The following COL21A1 variants were observed in gnomAD, a reference collection of about 807,000 sequenced individuals.
The protein encoded by COL21A1 is collagen type XXI alpha 1 chain, also known as collagen alpha-1(XXI) chain.
Under a neutral mutation model 137.9 loss-of-function variants are expected in COL21A1, and 149 were observed. The observed-to-expected ratio is 1.08, with a 90% CI of 0.95 to 1.24. The LOEUF (loss-of-function observed/expected upper bound fraction) is 1.24, where lower values mean the gene tolerates loss of function less well. COL21A1 is among the 50% of genes most tolerant of loss of function. The pLI, the probability that COL21A1 is intolerant of heterozygous loss-of-function variation, is 0.00. For missense variants in COL21A1, 1,167 were observed against 1,158.4 expected, an observed-to-expected ratio of 1.01 and a Z score of -0.11; for synonymous variants, 456 against 391.5, an observed-to-expected ratio of 1.16 and a Z score of -1.95.
intron 1 of COL21A1, among the ~76,000 whole-genome samples, chr6:56,183,080 T>C (rs1368300740): frequency 6.6e-6 from 1 of 152,196 alleles, no homozygotes; most frequent in Non-Finnish European, 1.5e-5. Context: ...ATACAGCTGA[T>C]GGAATTTAAT....
chr6:56,057,990 G>C lies in COL21A1; in HGVS notation c.2687-146C>G, dbSNP rs993946893. The C allele has an allele frequency of 3.6e-5, 20 of 558,306 alleles. No individual in the cohort carries two copies. The Middle Eastern group carries it at 1.4e-3, about 40-fold the overall frequency. 34.6% of individuals were successfully genotyped at this position (558,306 alleles called of 1,614,324 possible). A position where few individuals can be genotyped will look rare whatever the true frequency, so the allele number is the denominator to read the frequency against. On this transcript the variant is annotated intron_variant, in intron 29 of 29. Transcript: ENST00000244728. Reference sequence around the variant, plus strand: ...AATTATATAGTAGAGGCATTTTCTTGATAATTCTACATGTCTTCTGCTTTG... The same window carrying C: ...AATTATATAGTAGAGGCATTTTCTTCATAATTCTACATGTCTTCTGCTTTG...
intron 17 of COL21A1, among the ~76,000 whole-genome samples, chr6:56,095,447 G>A (rs1314434769): frequency 6.6e-6 from 1 of 152,138 alleles, no homozygotes; most frequent in Non-Finnish European, 1.5e-5. Flanking sequence ...TGTTACTAGA[G>A]GTGACAGAGC....
intron 1 of COL21A1, among the ~76,000 whole-genome samples, chr6:56,289,357 G>A (rs1388785484): frequency 1.3e-5 from 2 of 152,200 alleles, no homozygotes; most frequent in African/African-American, 4.8e-5. Context: ...TAAGGGTTCT[G>A]AGAGAATCCT....
intron 9 of COL21A1, among the ~76,000 whole-genome samples, chr6:56,160,766 A>T (rs1206076494): frequency 1.3e-5 from 2 of 152,234 alleles, no homozygotes; most frequent in Non-Finnish European, 2.9e-5. Context: ...TGGTCTCTTA[A>T]GTAATGTAAA....
intron 1 of COL21A1, among the ~76,000 whole-genome samples, chr6:56,359,769 T>G (rs1317006094): frequency 6.6e-6 from 1 of 152,134 alleles, no homozygotes; most frequent in Non-Finnish European, 1.5e-5. Flanking sequence ...GGCAGAGAGA[T>G]CCTTTGCAAG....
chr6:56,373,413 C>A (rs1178277401), intron 1 of COL21A1, among the ~76,000 whole-genome samples: 2 of 152,116 alleles, frequency 1.3e-5, no homozygotes, highest in African/African-American at 4.8e-5. Flanking sequence ...ACCAGCCTGG[C>A]CAATATGGTG....
intron 1 of COL21A1, among the ~76,000 whole-genome samples, chr6:56,240,159 CTT>C (rs70986787): frequency 1.4e-5 from 2 of 145,188 alleles, no homozygotes; most frequent in Admixed American, 6.8e-5. Flanking sequence ...GTCCATTAAA[CTT>C]TTTTTTTTTT....
chr6:56,187,749 T>A (rs1778394386), intron 1 of COL21A1, among the ~76,000 whole-genome samples: 1 of 152,094 alleles, frequency 6.6e-6, no homozygotes. Flanking sequence ...TAAGAGAGTA[T>A]CTTCACAACT....
At chr6:56,228,509 G>A (rs946817621) in intron 1 of COL21A1, among the ~76,000 whole-genome samples, 1 of 150,726 alleles carries the variant, frequency 6.6e-6, no homozygotes, top group African/African-American at 2.4e-5. Flanking sequence ...GAGGGTAGAG[G>A]AGAAGAAATA....
intron 1 of COL21A1, among the ~76,000 whole-genome samples, chr6:56,235,239 A>C (rs1470558661): frequency 3.3e-5 from 5 of 151,936 alleles, no homozygotes; most frequent in African/African-American, 1.2e-4. Flanking sequence ...AGCAATGCAT[A>C]TATATGCCTC....
At chr6:56,335,002 A>G (rs1765305807) in intron 1 of COL21A1, among the ~76,000 whole-genome samples, 1 of 152,184 alleles carries the variant, frequency 6.6e-6, no homozygotes, top group South Asian at 2.1e-4. Flanking sequence ...TTCTTTGTAT[A>G]TTACCCAGTC....
chr6:56,139,643 T>C (rs1774268647), intron 12 of COL21A1, among the ~76,000 whole-genome samples: 1 of 152,212 alleles, frequency 6.6e-6, no homozygotes, highest in Non-Finnish European at 1.5e-5. Flanking sequence ...TTAACATGTA[T>C]TCTCTAACAT....
At chr6:56,357,170 G>C (rs1259274374) in intron 1 of COL21A1, among the ~76,000 whole-genome samples, 1 of 152,090 alleles carries the variant, frequency 6.6e-6, no homozygotes, top group Non-Finnish European at 1.5e-5. Context: ...TCTTCCTTTA[G>C]TGCTATAGTT....
intron 17 of COL21A1, among the ~76,000 whole-genome samples, chr6:56,097,851 A>T (rs1241511255): frequency 9.8e-6 from 1 of 102,194 alleles, no homozygotes; most frequent in Admixed American, 1.4e-4. Flanking sequence ...ATATAAATAT[A>T]TATAAATATA....
rs1198907071 is a variant in COL21A1, at chr6:56,125,612, C to A, written c.1605G>T (p.Met535Ile). ...GTGATCCTTTGTCTCCTTTGGCACC[C>A]ATTTCACCCTAAAAGACAAAATATA... ...LHGMPGSKGE[M>I]GAKGDKGSPG... is the part of the protein sequence containing the mutation. Residue 535 changes from methionine to isoleucine, a missense_variant, in exon 14 of 30, where the codon ATG (methionine) becomes ATT (isoleucine). Coordinates refer to ENST00000244728, the MANE Select transcript of COL21A1 (RefSeq NM_030820.4). 2 of 1,584,810 alleles carry A rather than the reference C, an allele frequency of 1.3e-6. No homozygotes were observed. The highest frequency in any genetic ancestry group is 1.7e-6 in the Non-Finnish European group (2 of 1,161,486).
intron 1 of COL21A1, among the ~76,000 whole-genome samples, chr6:56,378,162 G>T (rs2094002927): frequency 6.6e-6 from 1 of 152,166 alleles, no homozygotes; most frequent in Non-Finnish European, 1.5e-5. Context: ...GCGGCTATAA[G>T]GCAAGACTCC....
intron 1 of COL21A1, among the ~76,000 whole-genome samples, chr6:56,321,861 A>G (rs752105026): frequency 5.3e-5 from 8 of 152,146 alleles, no homozygotes; most frequent in Non-Finnish European, 1.0e-4. Flanking sequence ...TCAGCATTTG[A>G]AGCAAATTGG....
intron 17 of COL21A1, 83 bp downstream of exon 17, chr6:56,101,389 A>T: frequency 9.6e-7 from 1 of 1,040,212 alleles, no homozygotes; most frequent in South Asian, 1.4e-5. Context: ...AGGGCATCTG[A>T]GAGAAGAATT....
At chr6:56,099,235 T>C (rs886891810) in intron 17 of COL21A1, among the ~76,000 whole-genome samples, 1 of 145,386 alleles carries the variant, frequency 6.9e-6, no homozygotes, top group Non-Finnish European at 1.5e-5. Flanking sequence ...TTTTTTTTTT[T>C]TTTTTTTTTT....
Sources: gnomAD v4.1 joint callset for allele counts (sites outside exome capture counted in the v4.1 genomes callset) on GRCh38, gnomAD v4.1.1 for gene constraint, MANE v1.5 for transcripts, NCBI Gene and HGNC (gene_info 2026-07-23, HGNC 2026-07-21) for gene names.